The following ERICH3 variants were observed in gnomAD, a reference collection of about 807,000 sequenced individuals.
ERICH3 encodes glutamate-rich protein 3.
ERICH3 carries 126 observed loss-of-function variants against 131.1 expected under a neutral mutation model. The observed-to-expected ratio is 0.96, with a 90% CI of 0.83 to 1.11. The LOEUF (loss-of-function observed/expected upper bound fraction) is 1.11, where lower values mean the gene tolerates loss of function less well. ERICH3 is among the 50% of genes most tolerant of loss of function. ERICH3 has a pLI of 0.00. For synonymous variants in ERICH3, 695 were observed against 644.6 expected (o/e 1.08, Z -1.18); for missense variants, 2,050 against 1,810.7 (o/e 1.13, Z -2.40).
intron 12 of ERICH3, among the ~76,000 whole-genome samples, chr1:74,587,351 A>G (rs555065595): frequency 6.6e-6 from 1 of 150,754 alleles, no homozygotes; most frequent in East Asian, 1.9e-4. Flanking sequence ...AAAAAAAATT[A>G]AAATCAAAGA....
chr1:74,668,064 A>G (rs541350360), intron 1 of ERICH3, among the ~76,000 whole-genome samples: 1 of 151,966 alleles, frequency 6.6e-6, no homozygotes, highest in Admixed American at 6.6e-5. Flanking sequence ...GTTTCTTGAG[A>G]CCTCTCCAGC....
At chr1:74,601,832 C>T (rs549010825) in intron 10 of ERICH3, among the ~76,000 whole-genome samples, 9 of 151,838 alleles carry the variant, frequency 5.9e-5, no homozygotes, top group East Asian at 1.9e-4. Context: ...ACTATGTGAC[C>T]GTGGGCAATT....
chr1:74,646,854 A>C, intron 2 of ERICH3, 62 bp from the exon 3 acceptor site: 1 of 893,162 alleles, frequency 1.1e-6, no homozygotes, highest in Non-Finnish European at 1.6e-6. Context: ...GTTAGTTTCC[A>C]AAAAAGGGAG....
In ERICH3 at chr1:74,641,333, G is replaced by A. The variant is rs1646435537; in HGVS notation, c.442C>T (p.Leu148=). The change falls in exon 5 of 15, where the codon CTG becomes TTG. Residue 148 remains leucine (L), a splice_region_variant and synonymous_variant. Coordinates refer to ENST00000326665, the MANE Select transcript of ERICH3 (RefSeq NM_001002912.5). ...VDEGHSSPLA[L]TAPRPYTAPG... is the part of the protein sequence containing the mutation. ...ACGAAGTGTTTAATATTACTCACCA[G>A]TGCTAACGGACTGGAATGTCCTTCA... 6.2e-7 allele frequency: 1 copy of A among 1,612,424 alleles called. No individual in the cohort carries two copies. Among genetic ancestry groups the A allele is most frequent in the Non-Finnish European group, 8.5e-7 (1 of 1,179,252 alleles).
chr1:74,584,940 C>T (rs1457016688), intron 12 of ERICH3, among the ~76,000 whole-genome samples: 1 of 152,110 alleles, frequency 6.6e-6, no homozygotes, highest in Admixed American at 6.6e-5. Flanking sequence ...TTTTATCCTG[C>T]CTGCCTGATG....
intron 1 of ERICH3, among the ~76,000 whole-genome samples, chr1:74,653,808 T>C (rs1646559207): frequency 6.6e-6 from 1 of 152,038 alleles, no homozygotes; most frequent in South Asian, 2.1e-4. Context: ...TCTACCCTCA[T>C]CTCTCCCTGT....
chr1:74,597,860 G>T (rs562531430), intron 11 of ERICH3, among the ~76,000 whole-genome samples: 1 of 152,000 alleles, frequency 6.6e-6, no homozygotes, highest in Admixed American at 6.6e-5. Context: ...GAACCAAAAT[G>T]TCTGATCCAC....
Position 74,606,880 on chromosome 1 carries a change from C to A in ERICH3, c.1210G>T (p.Asp404Tyr). The change falls in exon 10 of 15, where the codon GAC (aspartate) becomes TAC (tyrosine). Residue 404 changes from aspartate (D) to tyrosine (Y), a missense_variant. Asp to Tyr is a radical substitution (Grantham distance 160, BLOSUM62 -3). Coordinates refer to ENST00000326665, the MANE Select transcript of ERICH3 (RefSeq NM_001002912.5). Reference sequence around the variant, plus strand: ...GATTTCGGCAAAGACGGTTTTTTGTCAAGGCCCATTGCAATAATGCACCTA... The same window carrying A: ...GATTTCGGCAAAGACGGTTTTTTGTAAAGGCCCATTGCAATAATGCACCTA... The part of the protein sequence containing the change: ...CYKCIIAMGL[D>Y]KKPSLPKSRK... 1 of 1,611,990 alleles carries A rather than the reference C, an allele frequency of 6.2e-7. No homozygotes were observed. Among genetic ancestry groups the A allele is most frequent in the South Asian group, 1.1e-5 (1 of 90,820 alleles).
chr1:74,652,711 C>A (rs971082449), intron 1 of ERICH3, among the ~76,000 whole-genome samples: 3 of 152,038 alleles, frequency 2.0e-5, no homozygotes, highest in Non-Finnish European at 4.4e-5. Flanking sequence ...TCCACTGCAC[C>A]CTTTTCATCG....
intron 8 of ERICH3, among the ~76,000 whole-genome samples, chr1:74,616,613 G>A (rs1022134213): frequency 4.0e-5 from 6 of 151,846 alleles, no homozygotes; most frequent in South Asian, 2.1e-4. Context: ...CACTGTAGTC[G>A]GCTGAATTGT....
intron 1 of ERICH3, among the ~76,000 whole-genome samples, chr1:74,658,373 G>A (rs1490697819): frequency 6.6e-6 from 1 of 152,104 alleles, no homozygotes; most frequent in Non-Finnish European, 1.5e-5. Flanking sequence ...CCTGTGAAAG[G>A]AAAAGAGAGG....
intron 1 of ERICH3, among the ~76,000 whole-genome samples, chr1:74,670,440 C>T (rs1646730717): frequency 6.6e-6 from 1 of 152,148 alleles, no homozygotes; most frequent in Admixed American, 6.6e-5. Flanking sequence ...CTTCTCAGTC[C>T]TTGTTGCAGG....
intron 7 of ERICH3, among the ~76,000 whole-genome samples, chr1:74,628,470 C>G (rs1340438864): frequency 3.3e-5 from 5 of 152,084 alleles, no homozygotes; most frequent in African/African-American, 1.2e-4. Flanking sequence ...TTCCTAATAA[C>G]ATTTTCTTTT....
intron 10 of ERICH3, among the ~76,000 whole-genome samples, chr1:74,605,912 C>T (rs1570856905): frequency 6.6e-6 from 1 of 150,886 alleles, no homozygotes; most frequent in South Asian, 2.1e-4. Flanking sequence ...ATAAAAAGTG[C>T]TATATTTGCA....
chr1:74,669,122 C>T lies in ERICH3; in HGVS notation c.23+4375G>A, dbSNP rs114375204. ...CTAACGGTAGTTTTTAATCTGCCTTCGATGAAAAACGACTGCATTATCAGG... is the reference window on the plus strand; with the variant it reads ...CTAACGGTAGTTTTTAATCTGCCTTTGATGAAAAACGACTGCATTATCAGG... On this transcript the variant is annotated intron_variant, in intron 1 of 14. Transcript: ENST00000326665. 1.6e-3 allele frequency among the ~76,000 whole-genome samples: 236 copies of T among 152,120 alleles called. 1 individual carries two copies. The highest frequency in any genetic ancestry group is 6.8e-3 in the Middle Eastern group (2 of 294).
chr1:74,606,671 C>T lies in ERICH3; in HGVS notation c.1419G>A (p.Glu473=). Residue 473 remains glutamate (E), a synonymous_variant, in exon 10 of 15, where the codon GAG becomes GAA. Coordinates refer to ENST00000326665, the MANE Select transcript of ERICH3 (RefSeq NM_001002912.5). The part of the protein sequence containing the change: ...TGLKEVVTAV[E]EMTSKGKPGQ... ...CTGGTTTTCCTTTACTTGTCATTTCCTCCACAGCAGTTACCACTTCTTTGA... is the reference window on the plus strand; with the variant it reads ...CTGGTTTTCCTTTACTTGTCATTTCTTCCACAGCAGTTACCACTTCTTTGA... 1 of 1,613,086 alleles carries T rather than the reference C, an allele frequency of 6.2e-7. No individual in the cohort carries two copies. Among genetic ancestry groups the T allele is most frequent in the Non-Finnish European group, 8.5e-7 (1 of 1,179,414 alleles).
chr1:74,634,369 A>G (rs935694054), intron 6 of ERICH3, among the ~76,000 whole-genome samples: 2 of 152,138 alleles, frequency 1.3e-5, no homozygotes, highest in African/African-American at 4.8e-5. Context: ...AGTTGACATT[A>G]TTGTGGAATT....
intron 13 of ERICH3, 129 bp from the exon 14 acceptor site, chr1:74,573,620 TA>T: frequency 8.9e-7 from 1 of 1,119,506 alleles, no homozygotes; most frequent in Non-Finnish European, 1.1e-6. Flanking sequence ...GCCATTGTAT[TA>T]TATATAAAAC....
rs769888322 is a variant in ERICH3, at chr1:74,571,309, CT to C, written c.4400del (p.Glu1467GlyfsTer10). On this transcript the variant is annotated frameshift_variant, in exon 14 of 15. Transcript: ENST00000326665. LOFTEE classifies it high-confidence loss of function. ...ATCGGAATTTTTCAGCTGCTCCTGT[CT>C]CCTGCCTCCCATCGCCACTCCCAGT... ...AATGSGDGRQ[E>X]TGAAEKFRLG... The C allele has an allele frequency of 1.2e-6, 2 of 1,614,088 alleles. No individual in the cohort carries two copies. The highest frequency in any genetic ancestry group is 1.7e-6 in the Non-Finnish European group (2 of 1,180,012).
Sources: gnomAD v4.1 joint callset for allele counts (sites outside exome capture counted in the v4.1 genomes callset) on GRCh38, gnomAD v4.1.1 for gene constraint, MANE v1.5 for transcripts, NCBI Gene and HGNC (gene_info 2026-07-23, HGNC 2026-07-21) for gene names.